Variants in CHKA observed in about 807,000 individuals in gnomAD.
The protein encoded by CHKA is choline kinase alpha, also known as CHETK-alpha.
In CHKA, 34 loss-of-function variants were observed where a neutral mutation model predicts 60.1. The observed-to-expected ratio is 0.57, with a 90% confidence interval of 0.43 to 0.75. CHKA has a LOEUF of 0.75. CHKA is among the 30% of genes least tolerant of loss of function. The pLI, the probability that CHKA is intolerant of heterozygous loss-of-function variation, is 0.00. For synonymous variants in CHKA, 217 were observed against 223.1 expected (o/e 0.97, Z 0.24); for missense variants, 563 against 561.3 (o/e 1.00, Z -0.03).
chr11:68,113,721 G>A (rs924873439), intron 1 of CHKA, among the ~76,000 whole-genome samples: 8 of 151,286 alleles, frequency 5.3e-5, no homozygotes, highest in Non-Finnish European at 7.4e-5. Context: ...ACAGCCAGGC[G>A]CGATGGCTCA....
intron 9 of CHKA, 106 bp from the exon 10 acceptor site, chr11:68,064,737 C>T (rs943191563): frequency 2.7e-5 from 18 of 674,692 alleles, no homozygotes; most frequent in Non-Finnish European, 3.8e-5. Flanking sequence ...GAGACACACA[C>T]TCAACATGAT....
chr11:68,107,086 T>C (rs1205494540), intron 1 of CHKA, among the ~76,000 whole-genome samples: 1 of 152,086 alleles, frequency 6.6e-6, no homozygotes, highest in African/African-American at 2.4e-5. Context: ...ACCCCGTCTC[T>C]ACTAAAAATA....
chr11:68,055,239 A>G (rs1855964529), intron 11 of CHKA, among the ~76,000 whole-genome samples: 1 of 152,190 alleles, frequency 6.6e-6, no homozygotes, highest in Non-Finnish European at 1.5e-5. Flanking sequence ...AAAAATAAAA[A>G]ATTAGCTGGG....
At chr11:68,084,462 A>T (rs1307058670) in intron 2 of CHKA, among the ~76,000 whole-genome samples, 4 of 146,806 alleles carry the variant, frequency 2.7e-5, no homozygotes, top group Non-Finnish European at 6.0e-5. Context: ...GTATATATAT[A>T]TAGGAATCCG....
chr11:68,112,038 A>T (rs1283424840), intron 1 of CHKA, among the ~76,000 whole-genome samples: 5 of 132,464 alleles, frequency 3.8e-5, no homozygotes, highest in Non-Finnish European at 6.3e-5. Flanking sequence ...GGGCAACAAC[A>T]GCAAAACTCC....
At chr11:68,114,597 T>C (rs902467593) in intron 1 of CHKA, among the ~76,000 whole-genome samples, 19 of 150,836 alleles carry the variant, frequency 1.3e-4, no homozygotes, top group African/African-American at 4.2e-4. Context: ...CTTGGGAGGC[T>C]GAGGAAGGAG....
chr11:68,074,826 GC>G lies in CHKA; in HGVS notation c.520del (p.Ala174LeufsTer41). Reference sequence around the variant, plus strand: ...AACGCTCTCCAGAACCATGGCCTCAGCCCCCTAAAACAGATGGCAACAAATC... The same window carrying G: ...AACGCTCTCCAGAACCATGGCCTCAGCCCCTAAAACAGATGGCAACAAATC... ...QAQKENEFQG[A>X]EAMVLESVMF... On this transcript the variant is annotated frameshift_variant, in exon 4 of 12. Transcript: ENST00000265689. LOFTEE classifies it high-confidence loss of function. The G allele has an allele frequency of 6.2e-7, 1 of 1,614,150 alleles. No individual in the cohort carries two copies. The highest frequency in any genetic ancestry group is 8.5e-7 in the Non-Finnish European group (1 of 1,180,020).
intron 2 of CHKA, among the ~76,000 whole-genome samples, chr11:68,085,081 T>C (rs1857137715): frequency 1.3e-5 from 2 of 152,110 alleles, no homozygotes; most frequent in Admixed American, 1.3e-4. Context: ...TTCCTTCCTA[T>C]TTTGGGCTTA....
Position 68,064,811 on chromosome 11 carries a change from G to A in CHKA, c.1126-180C>T, listed in dbSNP as rs75915281. On this transcript the variant is annotated intron_variant, in intron 9 of 11. Transcript: ENST00000265689. ...GCCAACCTTTGCTAGGTTTTCAGCC[G>A]CTCTCTCTCCCCAGGATTTCTAGTG... Among the ~76,000 whole-genome samples, 31 of 152,230 alleles carry A rather than the reference G, an allele frequency of 2.0e-4. No homozygotes were observed. The East Asian group carries it at 5.2e-3, about 26-fold the overall frequency.
intron 2 of CHKA, among the ~76,000 whole-genome samples, chr11:68,092,827 G>GA (rs1333163746): frequency 6.6e-6 from 1 of 152,130 alleles, no homozygotes; most frequent in Non-Finnish European, 1.5e-5. Flanking sequence ...AAGTGTGTTT[G>GA]AACTAAGGAC....
intron 10 of CHKA, among the ~76,000 whole-genome samples, chr11:68,063,826 C>G (rs1010163148): frequency 6.6e-6 from 1 of 152,176 alleles, no homozygotes; most frequent in Non-Finnish European, 1.5e-5. Context: ...CTCTGCCCCT[C>G]TCTCTCCTGG....
chr11:68,068,480 C>T (rs866820760), intron 7 of CHKA, among the ~76,000 whole-genome samples: 15 of 150,922 alleles, frequency 9.9e-5, no homozygotes, highest in Non-Finnish European at 1.9e-4. Context: ...TACAGTGGTG[C>T]GATCACAGCA....
intron 11 of CHKA, among the ~76,000 whole-genome samples, chr11:68,057,811 C>T (rs1222894413): frequency 6.6e-6 from 1 of 152,170 alleles, no homozygotes; most frequent in Non-Finnish European, 1.5e-5. Context: ...TCTTAAATTA[C>T]CTTGGCCTTT....
intron 2 of CHKA, among the ~76,000 whole-genome samples, chr11:68,091,192 C>A (rs1356426500): frequency 6.6e-6 from 1 of 152,192 alleles, no homozygotes; most frequent in Non-Finnish European, 1.5e-5. Context: ...AATGCAAAGG[C>A]TGAACTATTA....
intron 1 of CHKA, among the ~76,000 whole-genome samples, chr11:68,098,462 A>T (rs1272288869): frequency 6.6e-6 from 1 of 152,064 alleles, no homozygotes; most frequent in Non-Finnish European, 1.5e-5. Flanking sequence ...ACAGATTCTG[A>T]TCGAGCTCAT....
At chr11:68,066,591 A>G in intron 7 of CHKA, 75 bp from the exon 8 acceptor site, 1 of 1,139,020 alleles carries the variant, frequency 8.8e-7, no homozygotes, top group South Asian at 1.3e-5. Flanking sequence ...GAGCCGAGAG[A>G]ATGGATTTGA....
At position 68,113,947 on chromosome 11, in the gene CHKA, C is replaced by T. The variant is rs184386690; in HGVS notation, c.350+6881G>A. ...CGGAGGTTGCAGCAAGCCGAGATCG[C>T]GCCATTGCACTCCAGCCTGGGCAAC... On this transcript the variant is annotated intron_variant, in intron 1 of 11. Coordinates refer to ENST00000265689, the MANE Select transcript of CHKA (RefSeq NM_001277.3). 5.2e-3 allele frequency among the ~76,000 whole-genome samples: 791 copies of T among 151,906 alleles called. 2 individuals are homozygous for T. The highest frequency in any genetic ancestry group is 0.015 in the African/African-American group (602 of 41,442).
intron 5 of CHKA, among the ~76,000 whole-genome samples, 195 bp downstream of exon 5, chr11:68,070,528 CT>C (rs1856582021): frequency 2.0e-5 from 3 of 152,140 alleles, no homozygotes; most frequent in Admixed American, 2.0e-4. Flanking sequence ...TTGCATAAGC[CT>C]TCTTTCCTGG....
chr11:68,119,835 A>G (rs577779743), intron 1 of CHKA, among the ~76,000 whole-genome samples: 7 of 152,188 alleles, frequency 4.6e-5, no homozygotes, highest in Non-Finnish European at 1.0e-4. Flanking sequence ...ATGTCTTCGG[A>G]GCAGAGTGGT....
Sources: gnomAD v4.1 joint callset for allele counts (sites outside exome capture counted in the v4.1 genomes callset) on GRCh38, gnomAD v4.1.1 for gene constraint, MANE v1.5 for transcripts, NCBI Gene and HGNC (gene_info 2026-07-23, HGNC 2026-07-21) for gene names.